ERG: variants seen among roughly 807,000 people sequenced by gnomAD.
ERG encodes transcriptional regulator ERG.
ERG carries 9 observed loss-of-function variants against 55.3 expected under a neutral mutation model. The ratio of observed to expected loss-of-function variants is 0.16; its 90% CI spans 0.10 to 0.28. The LOEUF (loss-of-function observed/expected upper bound fraction) is 0.28. ERG is among the 10% of genes least tolerant of loss of function. The pLI, the probability that ERG is intolerant of heterozygous loss-of-function variation, is 1.00. For missense variants in ERG, 434 were observed against 631.6 expected (o/e 0.69, Z 3.35); for synonymous variants, 223 against 237.3 (o/e 0.94, Z 0.55).
At chr21:38,430,658 G>A (rs1039982472) in intron 2 of ERG, among the ~76,000 whole-genome samples, 28 of 152,158 alleles carry the variant, frequency 1.8e-4, no homozygotes, top group Admixed American at 6.6e-4. Context: ...GAGGTGGGGG[G>A]CTGGTTCAGA....
intron 1 of ERG, among the ~76,000 whole-genome samples, chr21:38,472,364 AT>A (rs2059147447): frequency 6.6e-6 from 1 of 152,202 alleles, no homozygotes; most frequent in Non-Finnish European, 1.5e-5. Context: ...TGGGCACTTT[AT>A]AATTTAATAA....
intron 1 of ERG, among the ~76,000 whole-genome samples, chr21:38,604,848 C>T (rs1175438034): frequency 1.3e-5 from 2 of 152,192 alleles, no homozygotes; most frequent in African/African-American, 2.4e-5. Context: ...ATTAGCCTCA[C>T]TCATGCTGCT....
intron 1 of ERG, among the ~76,000 whole-genome samples, chr21:38,468,497 G>A (rs1755626521): frequency 6.6e-6 from 1 of 152,108 alleles, no homozygotes; most frequent in Non-Finnish European, 1.5e-5. Context: ...CAAGAATCAT[G>A]GGATGAATTG....
chr21:38,631,093 C>T (rs994071445), intron 1 of ERG, among the ~76,000 whole-genome samples: 24 of 152,238 alleles, frequency 1.6e-4, no homozygotes, highest in African/African-American at 5.5e-4. Flanking sequence ...GATGTGACCA[C>T]TGGCTCATTC....
intron 1 of ERG, among the ~76,000 whole-genome samples, chr21:38,639,937 G>A (rs941459862): frequency 2.0e-5 from 3 of 152,114 alleles, no homozygotes; most frequent in East Asian, 1.9e-4. Context: ...GGACAGCCAC[G>A]CCTGGAAACA....
chr21:38,458,032 G>A (rs1278274805), intron 1 of ERG, among the ~76,000 whole-genome samples: 2 of 152,208 alleles, frequency 1.3e-5, no homozygotes, highest in Non-Finnish European at 2.9e-5. Flanking sequence ...CAGGGCAGCT[G>A]GAAGTTGGGA....
At chr21:38,549,651 T>A (rs2059811333) in intron 2 of ERG, among the ~76,000 whole-genome samples, 1 of 152,162 alleles carries the variant, frequency 6.6e-6, no homozygotes, top group South Asian at 2.1e-4. Context: ...AAATATTAAT[T>A]TTCTATGAAA....
At chr21:38,621,130 A>G (rs1601322476) in intron 1 of ERG, among the ~76,000 whole-genome samples, 1 of 152,232 alleles carries the variant, frequency 6.6e-6, no homozygotes, top group Admixed American at 6.5e-5. Flanking sequence ...TCATCGGTGT[A>G]GGTGGGATTG....
In ERG at chr21:38,606,183, CTGAT is replaced by C. The variant is rs147458590; in HGVS notation, c.-149-21242_-149-21239del. 5.6e-3 allele frequency among the ~76,000 whole-genome samples: 856 copies of C among 151,916 alleles called. 6 individuals carry two copies. Among genetic ancestry groups the C allele is most frequent in the African/African-American group, 0.019 (799 of 41,422 alleles). ...AGTAGGTAGGTAAGTAGACTGATGA[CTGAT>C]AGATAGTAGATAGGTAGATAGATGA... On this transcript the variant is annotated intron_variant, in intron 1 of 10. Transcript: ENST00000398910.
chr21:38,459,787 G>A (rs376391714), intron 1 of ERG, among the ~76,000 whole-genome samples: 1 of 152,160 alleles, frequency 6.6e-6, no homozygotes, highest in East Asian at 1.9e-4. Context: ...TTAGAAACTT[G>A]TCTAGCTGCT....
At chr21:38,538,332 T>C (rs1054776449) in intron 2 of ERG, among the ~76,000 whole-genome samples, 1 of 152,178 alleles carries the variant, frequency 6.6e-6, no homozygotes, top group Admixed American at 6.5e-5. Flanking sequence ...AAATTTTATG[T>C]ATATTTTACT....
chr21:38,649,689 A>G (rs1234414444), intron 1 of ERG, among the ~76,000 whole-genome samples: 1 of 152,340 alleles, frequency 6.6e-6, no homozygotes, highest in East Asian at 1.9e-4. Flanking sequence ...GTGGACATGC[A>G]GGAGGCCTTG....
In ERG at chr21:38,468,846, G is replaced by A. The variant is rs187370115; in HGVS notation, c.19-23225C>T. ...TAAAAATACAAAAAATTAGCCGGGC[G>A]TGGTGGTGGGCGCCTGTAGTCCCAG... On this transcript the variant is annotated intron_variant, in intron 1 of 9. Coordinates refer to ENST00000288319, the MANE Select transcript of ERG (RefSeq NM_182918.4). Among the ~76,000 whole-genome samples the A allele has an allele frequency of 3.7e-3, 565 of 151,900 alleles. 5 individuals are homozygous for A. Among genetic ancestry groups the A allele is most frequent in the African/African-American group, 0.013 (524 of 41,422 alleles).
chr21:38,446,245 A>G (rs1203304581), intron 1 of ERG, among the ~76,000 whole-genome samples: 1 of 151,546 alleles, frequency 6.6e-6, no homozygotes, highest in Non-Finnish European at 1.5e-5. Flanking sequence ...AAAAAAAAAA[A>G]AAAAAAAAGC....
At chr21:38,466,224 C>A (rs570955629) in intron 1 of ERG, among the ~76,000 whole-genome samples, 16 of 150,992 alleles carry the variant, frequency 1.1e-4, no homozygotes, top group Non-Finnish European at 2.4e-4. Flanking sequence ...ATGAATGAAA[C>A]TAGAACCAAG....
chr21:38,635,220 C>G (rs117280332), intron 1 of ERG, among the ~76,000 whole-genome samples: 3 of 152,118 alleles, frequency 2.0e-5, no homozygotes. Flanking sequence ...ATAGTAGGAT[C>G]TGTTTTTAAC....
At chr21:38,485,820 A>C (rs2059279578) in intron 1 of ERG, among the ~76,000 whole-genome samples, 1 of 151,988 alleles carries the variant, frequency 6.6e-6, no homozygotes, top group Non-Finnish European at 1.5e-5. Context: ...CACATTCACT[A>C]ACCACTCACT....
At chr21:38,630,483 C>T (rs569211497) in intron 1 of ERG, among the ~76,000 whole-genome samples, 13 of 152,170 alleles carry the variant, frequency 8.5e-5, no homozygotes, top group Non-Finnish European at 1.5e-4. Flanking sequence ...GACAAGGGCA[C>T]TCCTCTACCT....
intron 1 of ERG, among the ~76,000 whole-genome samples, chr21:38,640,924 T>C (rs535762827): frequency 4.6e-5 from 7 of 152,304 alleles, no homozygotes; most frequent in African/African-American, 1.7e-4. Flanking sequence ...AGCGCAGAAA[T>C]ACTATTTGAC....
Sources: gnomAD v4.1 joint callset for allele counts (sites outside exome capture counted in the v4.1 genomes callset) on GRCh38, gnomAD v4.1.1 for gene constraint, MANE v1.5 for transcripts, NCBI Gene and HGNC (gene_info 2026-07-23, HGNC 2026-07-21) for gene names.